EP400: variants seen among roughly 807,000 people sequenced by gnomAD.
EP400 encodes E1A binding protein p400, also known as E1A-binding protein p400.
In EP400, 105 loss-of-function variants were observed where a neutral mutation model predicts 354.1. That is an observed-to-expected ratio of 0.30 (90% CI 0.25 to 0.35). EP400 has a LOEUF of 0.35. Among genes scored for constraint, EP400 ranks in the 10% least tolerant of loss-of-function variants. The pLI is 1.00. For synonymous variants in EP400, 1,646 were observed against 1,716.9 expected (o/e 0.96, Z 1.02); for missense variants, 3,280 against 4,121.0 (o/e 0.80, Z 5.59).
Position 132,077,515 on chromosome 12 carries a change from C to T in EP400, c.9214C>T (p.Gln3072Ter). The change falls in exon 53 of 53, where the codon CAG becomes TAG. Residue 3072 changes from glutamine (Q) to a stop codon, truncating the protein, a stop_gained. Transcript: ENST00000389561. LOFTEE classifies it high-confidence loss of function. ...QVVQQKLIQQ[Q>*]VVTTASAPLQ... is the part of the protein sequence containing the mutation. ...GGTTCAGCAGAAACTCATTCAGCAG[C>T]AGGTGGTGACCACGGCGTCGGCCCC... 3.1e-6 allele frequency: 5 copies of T among 1,613,886 alleles called. No homozygotes were observed. The highest frequency in any genetic ancestry group is 4.2e-6 in the Non-Finnish European group (5 of 1,180,028).
rs113168886 is a variant in EP400, at chr12:132,052,629, G to T, written c.7395-517G>T. 0.014 allele frequency among the ~76,000 whole-genome samples: 2,192 copies of T among 152,292 alleles called. 51 individuals carry two copies. The highest frequency in any genetic ancestry group is 0.05 in the African/African-American group (2,091 of 41,550). On this transcript the variant is annotated intron_variant, in intron 41 of 52. Coordinates refer to ENST00000389561, the MANE Select transcript of EP400 (RefSeq NM_015409.5). This position sits in a 1 kb window ranked among gnomAD's most constrained non-coding sequence, Gnocchi z 4.4. ...GTGATCGCTGGGACTCTAGCGTCTG[G>T]GAGCACAGACCCATCATTTGATTGA...
chr12:132,022,800 C>T (rs1894163640), intron 23 of EP400, among the ~76,000 whole-genome samples: 1 of 151,882 alleles, frequency 6.6e-6, no homozygotes, highest in Non-Finnish European at 1.5e-5. Flanking sequence ...ATCTTGTAGA[C>T]ACCGTGGCTC....
intron 2 of EP400, among the ~76,000 whole-genome samples, chr12:131,964,877 C>T (rs767870701): frequency 1.3e-5 from 2 of 152,232 alleles, no homozygotes; most frequent in Non-Finnish European, 2.9e-5. Context: ...AATTTCATCT[C>T]TTGTCTCAAG....
intron 32 of EP400, among the ~76,000 whole-genome samples, chr12:132,042,421 C>T (rs1309080124): frequency 6.6e-6 from 1 of 152,072 alleles, no homozygotes; most frequent in Non-Finnish European, 1.5e-5. Flanking sequence ...CCACATCTGC[C>T]GTCTTTATAG....
chr12:132,004,170 A>G (rs1259936779), intron 12 of EP400, among the ~76,000 whole-genome samples: 5 of 152,228 alleles, frequency 3.3e-5, no homozygotes, highest in Non-Finnish European at 7.3e-5. Context: ...TTTCCAGAAA[A>G]ATCCAGCCAG....
intron 2 of EP400, among the ~76,000 whole-genome samples, chr12:131,965,860 A>G (rs1446754322): frequency 1.2e-4 from 19 of 152,008 alleles, no homozygotes; most frequent in Non-Finnish European, 2.9e-5. Flanking sequence ...TTATCCATTT[A>G]CCCTTTAAAG....
At chr12:131,977,225 C>T (rs958655150) in intron 2 of EP400, among the ~76,000 whole-genome samples, 1 of 152,142 alleles carries the variant, frequency 6.6e-6, no homozygotes. Context: ...CAAGCTCTGC[C>T]TCCCGGGTTC....
rs151123898 is a variant in EP400, at chr12:132,006,324, T to C, written c.3126+22T>C. The C allele has an allele frequency of 4.3e-4, 698 of 1,611,170 alleles. 3 individuals carry two copies. The African/African-American group carries it at 8.7e-3, about 20-fold the overall frequency. ...CTCGGTGAGGCGCTAAGCTTTCAAG[T>C]GTGGGATGGGCCTTTGAGAGACAGA... On this transcript the variant is annotated intron_variant, in intron 14 of 52. Coordinates refer to ENST00000389561, the MANE Select transcript of EP400 (RefSeq NM_015409.5).
chr12:132,032,678 G>A (rs115678843), intron 30 of EP400, among the ~76,000 whole-genome samples: 2,421 of 149,756 alleles, frequency 0.016, 63 homozygotes, highest in African/African-American at 0.054. Flanking sequence ...TCGCTCAGGC[G>A]GTAGTGCAGT....
At chr12:132,031,094 A>G (rs1593359624) in intron 29 of EP400, 1 of 415,542 alleles carries the variant, frequency 2.4e-6, no homozygotes, top group Admixed American at 2.8e-5. Flanking sequence ...CCTGGAAGGA[A>G]GAGAGTTGGT....
intron 41 of EP400, chr12:132,051,006 A>G (rs999980239): frequency 5.5e-5 from 22 of 402,276 alleles, no homozygotes; most frequent in African/African-American, 4.2e-4. Context: ...CCATATCTTA[A>G]GAACACACCA....
intron 12 of EP400, among the ~76,000 whole-genome samples, chr12:131,995,965 C>T (rs1348178806): frequency 6.6e-6 from 1 of 151,830 alleles, no homozygotes; most frequent in East Asian, 1.9e-4. Flanking sequence ...CTGAATGTAC[C>T]GTTCATCCTG....
At chr12:131,965,370 G>C (rs1201092291) in intron 2 of EP400, among the ~76,000 whole-genome samples, 1 of 152,180 alleles carries the variant, frequency 6.6e-6, no homozygotes, top group Admixed American at 6.5e-5. Context: ...AGTCTTGCCT[G>C]AATCAGTTAT....
chr12:131,956,256 A>G (rs550004110), intron 1 of EP400, among the ~76,000 whole-genome samples: 3 of 152,274 alleles, frequency 2.0e-5, no homozygotes, highest in East Asian at 3.9e-4. Context: ...GTATGGCTGT[A>G]TCATGGTTTG....
At position 131,994,768 on chromosome 12, in the gene EP400, T is replaced by C; in HGVS notation, c.2738-99T>C. The C allele has an allele frequency of 3.2e-6, 3 of 928,854 alleles. No homozygotes were observed. Among genetic ancestry groups the C allele is most frequent in the Middle Eastern group, 2.3e-4 (1 of 4,430 alleles). 57.5% of individuals were successfully genotyped at this position (928,854 alleles called of 1,614,324 possible). On this transcript the variant is annotated intron_variant, in intron 11 of 52. Coordinates refer to ENST00000389561, the MANE Select transcript of EP400 (RefSeq NM_015409.5). This position sits in a 1 kb window ranked among gnomAD's most constrained non-coding sequence, Gnocchi z 4.6. ...AAAAGCTCAGTTTCAATTTCTGTAA[T>C]AGCTATGCAAAATAATTTCGAAGCC...
intron 15 of EP400, among the ~76,000 whole-genome samples, chr12:132,011,130 G>T (rs1484372060): frequency 6.6e-6 from 1 of 152,166 alleles, no homozygotes; most frequent in Non-Finnish European, 1.5e-5. Context: ...AGGGTCTGGG[G>T]CTCTCTTAGT....
rs34186152 is a variant in EP400 at position 132,073,919 on chromosome 12, GTTTTTTTTTTTTTT to G, written c.9022-2583_9022-2570del. On this transcript the variant is annotated intron_variant, in intron 51 of 52. Transcript: ENST00000389561. ...TTCCGGATTGGCATTGTTTTTTGGG[GTTTTTTTTTTTTTT>G]TTTTTTTTTTTTTGAGACGGAGGCT... Among the ~76,000 whole-genome samples the G allele has an allele frequency of 3.7e-5, 3 of 82,134 alleles. No homozygotes were observed. In the South Asian group the frequency reaches 1.3e-3, roughly 36 times the overall value. The allele number at this position is 82,134 out of a possible 152,430, so 53.9% of individuals were successfully genotyped here.
intron 12 of EP400, among the ~76,000 whole-genome samples, chr12:132,000,008 T>C (rs1893354826): frequency 6.6e-6 from 1 of 151,344 alleles, no homozygotes; most frequent in Admixed American, 6.6e-5. Context: ...CTGGCGCCTG[T>C]ATATTGTTTT....
chr12:132,013,724 C>T lies in EP400; in HGVS notation c.3787-53C>T, dbSNP rs1420342622. ...AAACATGCGTATGCCTTGTTATAAA[C>T]GTGTTACAGCAGCATTTTTGGAAAG... On this transcript the variant is annotated intron_variant, in intron 18 of 52. Coordinates refer to ENST00000389561, the MANE Select transcript of EP400 (RefSeq NM_015409.5). The surrounding 1 kb of genome is among the most constrained non-coding windows in gnomAD (Gnocchi z 4.5). The T allele has an allele frequency of 2.6e-5, 42 of 1,609,452 alleles. No individual in the cohort carries two copies. The highest frequency in any genetic ancestry group is 4.5e-5 in the East Asian group (2 of 44,858).
Sources: gnomAD v4.1 joint callset for allele counts (sites outside exome capture counted in the v4.1 genomes callset) on GRCh38, gnomAD v4.1.1 for gene constraint, Gnocchi (gnomAD v3.1) non-coding constraint, MANE v1.5 for transcripts, NCBI Gene and HGNC (gene_info 2026-07-23, HGNC 2026-07-21) for gene names.